TMEM50A: variants seen among roughly 807,000 people sequenced by gnomAD.
The protein encoded by TMEM50A is transmembrane protein 50A.
Under a neutral mutation model 23.9 loss-of-function variants are expected in TMEM50A, and 8 were observed. That is an observed-to-expected ratio of 0.33 (90% CI 0.20 to 0.60). The LOEUF (loss-of-function observed/expected upper bound fraction) is 0.60. TMEM50A is among the 20% of genes least tolerant of loss of function. The probability of loss-of-function intolerance (pLI) is 0.81; values close to 1 mark genes in which losing one functional copy is unlikely to be tolerated. For synonymous variants in TMEM50A, 55 were observed against 60.4 expected (o/e 0.91, Z 0.41); for missense variants, 178 against 192.7 (o/e 0.92, Z 0.45).
intron 6 of TMEM50A, among the ~76,000 whole-genome samples, chr1:25,358,634 GCA>G (rs1645361072): frequency 6.6e-6 from 1 of 152,224 alleles, no homozygotes; most frequent in Non-Finnish European, 1.5e-5. Context: ...GTGACAAGAT[GCA>G]CAGCCTCTTT....
At chr1:25,356,730 A>G in intron 5 of TMEM50A, 63 bp from the exon 6 acceptor site, 1 of 1,248,002 alleles carries the variant, frequency 8.0e-7, no homozygotes, top group Non-Finnish European at 1.1e-6. Flanking sequence ...GGTATTTGCC[A>G]ATATATCTGA....
At chr1:25,353,005 C>T (rs771467471) in intron 5 of TMEM50A, 31 bp downstream of exon 5, 8 of 1,563,754 alleles carry the variant, frequency 5.1e-6, no homozygotes, top group African/African-American at 2.8e-5. Context: ...CAATTTACTT[C>T]AGTGGAATAC....
Position 25,351,636 on chromosome 1 carries a change from G to A in TMEM50A, c.217G>A (p.Val73Ile), listed in dbSNP as rs766447553. The change falls in exon 4 of 7, where the codon GTA (valine) becomes ATA (isoleucine). Residue 73 changes from valine to isoleucine, a missense_variant. Val to Ile is a conservative substitution (Grantham distance 29). Coordinates refer to ENST00000374358, the MANE Select transcript of TMEM50A (RefSeq NM_014313.4). ...ATTTTATTCATACAGGATTAATGCA[G>A]TATCGAATGGACAAGTCCGAGGTGA... ...ATIAFLMINAVSNGQVRGDSY... is the reference protein window; with the variant it reads ...ATIAFLMINAISNGQVRGDSY... 1.9e-6 allele frequency: 3 copies of A among 1,612,316 alleles called. No homozygotes were observed. The highest frequency in any genetic ancestry group is 2.2e-5 in the East Asian group (1 of 44,850).
At chr1:25,357,194 T>C (rs1571807382) in intron 6 of TMEM50A, among the ~76,000 whole-genome samples, 1 of 152,204 alleles carries the variant, frequency 6.6e-6, no homozygotes, top group Non-Finnish European at 1.5e-5. Flanking sequence ...CCTAAAACCA[T>C]TTATCCTTAA....
At chr1:25,355,317 C>CA (rs904342252) in intron 5 of TMEM50A, among the ~76,000 whole-genome samples, 27 of 147,640 alleles carry the variant, frequency 1.8e-4, no homozygotes, top group African/African-American at 5.7e-4. Flanking sequence ...AAAATCAAAA[C>CA]AAAAAAAAAG....
At chr1:25,358,222 C>T (rs543920039) in intron 6 of TMEM50A, among the ~76,000 whole-genome samples, 33 of 152,316 alleles carry the variant, frequency 2.2e-4, no homozygotes, top group Non-Finnish European at 2.2e-4. Flanking sequence ...GCTGGGATTA[C>T]GGGCATGAGC....
At position 25,340,507 on chromosome 1, in the gene TMEM50A, C is replaced by G; in HGVS notation, c.21C>G (p.Gly7=). ...AAAAAATGTCTGGATTTCTAGAGGG[C>G]TTGAGATGCTCAGAATGCATTGACT... The part of the protein sequence containing the change: MSGFLE[G]LRCSECIDWG... Residue 7 remains glycine (G), a synonymous_variant, in exon 2 of 7, where the codon GGC becomes GGG. Transcript: ENST00000374358. The G allele has an allele frequency of 6.2e-7, 1 of 1,613,426 alleles. No individual in the cohort carries two copies. The highest frequency in any genetic ancestry group is 8.5e-7 in the Non-Finnish European group (1 of 1,179,790).
chr1:25,342,400 A>G (rs1020145206), intron 2 of TMEM50A, among the ~76,000 whole-genome samples: 1 of 152,218 alleles, frequency 6.6e-6, no homozygotes, highest in Non-Finnish European at 1.5e-5. Context: ...GCCAAATTCA[A>G]TTAGATAAAT....
chr1:25,341,846 C>G (rs1172369937), intron 2 of TMEM50A, among the ~76,000 whole-genome samples: 1 of 149,658 alleles, frequency 6.7e-6, no homozygotes, highest in East Asian at 2.0e-4. Context: ...GGATGAAGGC[C>G]ACCACACCGG....
intron 4 of TMEM50A, among the ~76,000 whole-genome samples, chr1:25,352,238 G>A (rs182207195): frequency 7.2e-5 from 11 of 152,250 alleles, no homozygotes; most frequent in Admixed American, 5.9e-4. Flanking sequence ...GCTCACGGCT[G>A]TAATCCCAGC....
In TMEM50A at chr1:25,356,866, T is replaced by G; in HGVS notation, c.428+13T>G. On this transcript the variant is annotated intron_variant, in intron 6 of 6. Transcript: ENST00000374358. ...TCATCTTTTTTGGGTAAGTTTGTTT[T>G]GCATTCTTTATGTTTGTTTGTTTTT... is the stretch of plus-strand genomic sequence containing the variant. The G allele has an allele frequency of 3.8e-6, 6 of 1,577,980 alleles. No individual in the cohort carries two copies. In the East Asian group the frequency reaches 1.4e-4, roughly 36 times the overall value.
intron 1 of TMEM50A, 97 bp downstream of exon 1, chr1:25,338,553 C>T (rs1269255499): frequency 2.0e-5 from 3 of 152,638 alleles, no homozygotes; most frequent in African/African-American, 7.2e-5. Context: ...GCCCACAGCA[C>T]AGGCTCGTTG....
chr1:25,352,023 GTCC>G (rs944898117), intron 4 of TMEM50A, among the ~76,000 whole-genome samples: 7 of 152,152 alleles, frequency 4.6e-5, no homozygotes, highest in Non-Finnish European at 8.8e-5. Context: ...AAAGTTGCCT[GTCC>G]TCCTCTGTTA....
intron 5 of TMEM50A, among the ~76,000 whole-genome samples, chr1:25,355,938 G>A (rs1410905639): frequency 6.6e-6 from 1 of 152,084 alleles, no homozygotes; most frequent in Non-Finnish European, 1.5e-5. Flanking sequence ...TTCCTCCCAC[G>A]CCCCATATCC....
rs529507668 is a variant in TMEM50A at position 25,349,655 on chromosome 1, A to G, written c.207-1971A>G. Among the ~76,000 whole-genome samples the G allele has an allele frequency of 1.4e-4, 21 of 152,254 alleles. No homozygotes were observed. The South Asian group carries it at 3.1e-3, about 23-fold the overall frequency. ...TTTTTCATAGATACAAGGTCTTACT[A>G]TGTTGCCCAGGCTGGTCTCAAAGTC... On this transcript the variant is annotated intron_variant, in intron 3 of 6. Transcript: ENST00000374358.
intron 3 of TMEM50A, among the ~76,000 whole-genome samples, chr1:25,350,958 G>A (rs1423791283): frequency 5.3e-5 from 8 of 151,220 alleles, no homozygotes; most frequent in East Asian, 2.0e-4. Context: ...TCAGGAGTTC[G>A]AGACCATCCT....
At chr1:25,345,558 C>T (rs974372905) in intron 3 of TMEM50A, among the ~76,000 whole-genome samples, 7 of 151,564 alleles carry the variant, frequency 4.6e-5, no homozygotes, top group Non-Finnish European at 1.0e-4. Flanking sequence ...CCAGCCTGGG[C>T]GACAGAGTGA....
At chr1:25,355,817 T>C (rs1645327359) in intron 5 of TMEM50A, among the ~76,000 whole-genome samples, 1 of 152,120 alleles carries the variant, frequency 6.6e-6, no homozygotes, top group African/African-American at 2.4e-5. Context: ...CAGAAAAAAA[T>C]GTTGCTCCAG....
rs1448201638 is a variant in TMEM50A at position 25,352,991 on chromosome 1, G to A, written c.367+17G>A. On this transcript the variant is annotated intron_variant, in intron 5 of 6. Transcript: ENST00000374358. ...TTGCTAAAGGTAAGAGAAAACATAGGTTACAATTTACTTCAGTGGAATACT... is the reference window on the plus strand; with the variant it reads ...TTGCTAAAGGTAAGAGAAAACATAGATTACAATTTACTTCAGTGGAATACT... The A allele has an allele frequency of 2.5e-6, 4 of 1,595,682 alleles. No individual in the cohort carries two copies. The highest frequency in any genetic ancestry group is 3.4e-6 in the Non-Finnish European group (4 of 1,171,416).
Sources: gnomAD v4.1 joint callset for allele counts (sites outside exome capture counted in the v4.1 genomes callset) on GRCh38, gnomAD v4.1.1 for gene constraint, MANE v1.5 for transcripts, NCBI Gene and HGNC (gene_info 2026-07-23, HGNC 2026-07-21) for gene names.